ZNF879: variants seen among roughly 807,000 people sequenced by gnomAD.
The protein encoded by ZNF879 is zinc finger protein 879.
Under a neutral mutation model 44.3 loss-of-function variants are expected in ZNF879, and 32 were observed. The observed-to-expected ratio is 0.72, with a 90% CI of 0.54 to 0.97. The LOEUF (loss-of-function observed/expected upper bound fraction) is 0.97. ZNF879 is among the 50% of genes least tolerant of loss of function. The pLI is 0.00. For missense variants in ZNF879, 621 were observed against 669.7 expected (o/e 0.93, Z 0.80); for synonymous variants, 234 against 233.2 (o/e 1.00, Z -0.03).
rs571677295 is a variant in ZNF879 at position 179,029,682 on chromosome 5, T to C, written c.256+1555T>C. 3.9e-5 allele frequency among the ~76,000 whole-genome samples: 6 copies of C among 152,016 alleles called. No homozygotes were observed. The East Asian group carries it at 1.2e-3, about 29-fold the overall frequency. ...AGGAGCAAAAAAAAGTCACCTGGAA[T>C]TTTACCAACTATGATCAATTATTGT... On this transcript the variant is annotated intron_variant, in intron 4 of 4. Transcript: ENST00000444149.
rs1761479227 is a variant in ZNF879 at position 179,033,076 on chromosome 5, G to C, written c.1128G>C (p.Glu376Asp). 1 of 1,565,518 alleles carries C rather than the reference G, an allele frequency of 6.4e-7. No individual in the cohort carries two copies. Among genetic ancestry groups the C allele is most frequent in the Admixed American group, 1.9e-5 (1 of 52,098 alleles). ...HTGEKPFHCN[E>D]CGKVFSYHSA... ...GAGAGAAACCCTTTCATTGTAACGA[G>C]TGTGGAAAAGTATTCAGCTATCACT... Residue 376 changes from glutamate to aspartate, a missense_variant, in exon 5 of 5, where the codon GAG (glutamate) becomes GAC (aspartate). By Grantham distance (45) the Glu-to-Asp change is conservative. Transcript: ENST00000444149.
chr5:179,032,402 GA>G lies in ZNF879; in HGVS notation c.455del (p.Glu152GlyfsTer15), dbSNP rs1761442217. 6.4e-7 allele frequency: 1 copy of G among 1,551,344 alleles called. No homozygotes were observed. On this transcript the variant is annotated frameshift_variant, in exon 5 of 5. Coordinates refer to ENST00000444149, the MANE Select transcript of ZNF879 (RefSeq NM_001136116.3). LOFTEE classifies it high-confidence loss of function. Reference protein sequence around the residue: ...LVTIKKVYMKERSFKGVEFGK... With the variant: ...LVTIKKVYMKXRSFKGVEFGK... The stretch of plus-strand genomic sequence containing the variant: ...TACCATCAAAAAAGTCTACATGAAG[GA>G]GAGGAGCTTTAAAGGTGTTGAATTT...
At chr5:179,024,786 C>T (rs1365318574) in intron 1 of ZNF879, 184 bp from the exon 2 acceptor site, 5 of 563,838 alleles carry the variant, frequency 8.9e-6, no homozygotes, top group Admixed American at 3.0e-5. Context: ...GTAGCAGGCC[C>T]GGTGACTCTG....
chr5:179,032,281 C>T lies in ZNF879; in HGVS notation c.333C>T (p.Gly111=), dbSNP rs1581102548. ...TCATGAAAAAACTCATAATTGATGG[C>T]ACATTTGACTTCAAGTTGGAGAAGA... ...QEVMKKLIID[G]TFDFKLEKTY... is the part of the protein sequence containing the mutation. The change falls in exon 5 of 5, where the codon GGC becomes GGT. Residue 111 remains glycine (G), a synonymous_variant. Coordinates refer to ENST00000444149, the MANE Select transcript of ZNF879 (RefSeq NM_001136116.3). The T allele has an allele frequency of 5.2e-6, 8 of 1,543,918 alleles. No homozygotes were observed. Among genetic ancestry groups the T allele is most frequent in the Non-Finnish European group, 6.1e-6 (7 of 1,145,242 alleles).
chr5:179,026,165 A>T (rs544584308), intron 2 of ZNF879, among the ~76,000 whole-genome samples: 4 of 152,178 alleles, frequency 2.6e-5, no homozygotes, highest in African/African-American at 9.6e-5. Flanking sequence ...TCTGTACAGG[A>T]TGCTCAATTC....
At chr5:179,029,536 G>A (rs1466825817) in intron 4 of ZNF879, among the ~76,000 whole-genome samples, 2 of 152,236 alleles carry the variant, frequency 1.3e-5, no homozygotes, top group East Asian at 1.9e-4. Flanking sequence ...TTCAAATTTC[G>A]CTCTGAGCTT....
At chr5:179,028,462 T>TAAGGAA (rs1463569474) in intron 4 of ZNF879, among the ~76,000 whole-genome samples, 2 of 152,236 alleles carry the variant, frequency 1.3e-5, no homozygotes, top group Admixed American at 1.3e-4. Context: ...GCTTGAACAT[T>TAAGGAA]ACATTGTTTT....
chr5:179,028,845 C>T (rs1009217800), intron 4 of ZNF879, among the ~76,000 whole-genome samples: 2 of 152,160 alleles, frequency 1.3e-5, no homozygotes, highest in Admixed American at 6.5e-5. Context: ...TAGAGGAGGC[C>T]TCTGTTGAGC....
chr5:179,027,359 AGTT>A (rs1437221058), intron 2 of ZNF879, 111 bp from the exon 3 acceptor site: 1 of 1,447,674 alleles, frequency 6.9e-7, no homozygotes, highest in African/African-American at 1.4e-5. Flanking sequence ...GTAACTGAAA[AGTT>A]GTCCAGAAAC....
Position 179,033,326 on chromosome 5 carries a change from G to C in ZNF879, c.1378G>C (p.Glu460Gln). 1 of 1,571,644 alleles carries C rather than the reference G, an allele frequency of 6.4e-7. No individual in the cohort carries two copies. The change falls in exon 5 of 5, where the codon GAA becomes CAA. Residue 460 changes from glutamate (E) to glutamine (Q), a missense_variant. Transcript: ENST00000444149. The part of the protein sequence containing the change: ...HTGEKPYNCK[E>Q]CGKAFSSHSG... ...TGGAGAGAAACCATATAATTGTAAG[G>C]AATGTGGAAAAGCCTTCAGTTCCCA...
intron 4 of ZNF879, among the ~76,000 whole-genome samples, chr5:179,029,253 G>T (rs1189551000): frequency 2.0e-5 from 3 of 151,954 alleles, no homozygotes; most frequent in Non-Finnish European, 2.9e-5. Flanking sequence ...GAATCTTACA[G>T]GACATCATCT....
At chr5:179,025,352 G>A (rs35069027) in intron 2 of ZNF879, among the ~76,000 whole-genome samples, 31 of 152,182 alleles carry the variant, frequency 2.0e-4, no homozygotes, top group African/African-American at 7.2e-4. Flanking sequence ...ACCACACCCA[G>A]CTAATTTTTG....
intron 4 of ZNF879, among the ~76,000 whole-genome samples, chr5:179,031,556 T>C (rs1461885042): frequency 6.6e-6 from 1 of 152,260 alleles, no homozygotes; most frequent in Non-Finnish European, 1.5e-5. Context: ...TACACAGTGC[T>C]TCGTTCGTGT....
At position 179,032,655 on chromosome 5, in the gene ZNF879, A is replaced by C. The variant is rs1375522788; in HGVS notation, c.707A>C (p.Glu236Ala). 1 of 1,569,050 alleles carries C rather than the reference A, an allele frequency of 6.4e-7. No homozygotes were observed. Among genetic ancestry groups the C allele is most frequent in the Non-Finnish European group, 8.6e-7 (1 of 1,157,178 alleles). The change falls in exon 5 of 5, where the codon GAA becomes GCA. Residue 236 changes from glutamate to alanine, a missense_variant. Physicochemically the swap from Glu to Ala is moderately radical, Grantham distance 107. Coordinates refer to ENST00000444149, the MANE Select transcript of ZNF879 (RefSeq NM_001136116.3). ...HTGEKLYKCKECRKAFSQSSS... is the reference protein window; with the variant it reads ...HTGEKLYKCKACRKAFSQSSS... Reference sequence around the variant, plus strand: ...GGAGAGAAGCTCTATAAATGTAAGGAATGTAGGAAAGCCTTCAGCCAAAGC... The same window carrying C: ...GGAGAGAAGCTCTATAAATGTAAGGCATGTAGGAAAGCCTTCAGCCAAAGC...
At chr5:179,030,843 C>CA (rs1487803350) in intron 4 of ZNF879, among the ~76,000 whole-genome samples, 8 of 152,102 alleles carry the variant, frequency 5.3e-5, no homozygotes, top group Non-Finnish European at 1.2e-4. Flanking sequence ...AAAAGGTAGA[C>CA]AAAAAATTAC....
At chr5:179,031,031 C>G (rs775728709) in intron 4 of ZNF879, among the ~76,000 whole-genome samples, 10 of 152,288 alleles carry the variant, frequency 6.6e-5, no homozygotes, top group African/African-American at 2.4e-4. Flanking sequence ...ATCCCAGATA[C>G]GCCCACCTCT....
rs1329891402 is a variant in ZNF879 at position 179,035,011 on chromosome 5, T to G, written c.*1371T>G. 1 of 148,686 alleles carries G rather than the reference T, an allele frequency of 6.7e-6. No homozygotes were observed. The highest frequency in any genetic ancestry group is 6.8e-5 in the Admixed American group (1 of 14,734). 9.2% of individuals were successfully genotyped at this position (148,686 alleles called of 1,614,324 possible). On this transcript the variant is annotated 3_prime_UTR_variant, in exon 5 of 5. Transcript: ENST00000444149. ...TGAGGTCAGGAGATCGAGACCATCCTGGCTAACATGGTGAAACCACGTCTC... is the reference window on the plus strand; with the variant it reads ...TGAGGTCAGGAGATCGAGACCATCCGGGCTAACATGGTGAAACCACGTCTC...
In ZNF879 at chr5:179,032,556, G is replaced by T; in HGVS notation, c.608G>T (p.Cys203Phe). The T allele has an allele frequency of 6.4e-7, 1 of 1,552,012 alleles. No individual in the cohort carries two copies. Among genetic ancestry groups the T allele is most frequent in the Non-Finnish European group, 8.7e-7 (1 of 1,147,196 alleles). Residue 203 changes from cysteine (C) to phenylalanine (F), a missense_variant, in exon 5 of 5, where the codon TGT becomes TTT. Physicochemically the swap from Cys to Phe is radical, Grantham distance 205 (BLOSUM62 -2). Transcript: ENST00000444149. ...KQLGVNTVRK[C>F]YKCNICGKIF... ...CTGGGGGTCAACACAGTGCGTAAAT[G>T]TTATAAATGTAATATCTGTGGGAAA...
chr5:179,033,552 CAG>C lies in ZNF879; in HGVS notation c.1605_1606del (p.Glu537LysfsTer4). 1 of 1,553,046 alleles carries C rather than the reference CAG, an allele frequency of 6.4e-7. No homozygotes were observed. Among genetic ancestry groups the C allele is most frequent in the Admixed American group, 2.0e-5 (1 of 51,010 alleles). Reference sequence around the variant, plus strand: ...CTTATGACACACATGAGAATTCATACAGGGGAAAAACCTTATAAATGTAAAGA... The same window carrying C: ...CTTATGACACACATGAGAATTCATACGGGAAAAACCTTATAAATGTAAAGA... On this transcript the variant is annotated frameshift_variant, in exon 5 of 5. Transcript: ENST00000444149. LOFTEE classifies it high-confidence loss of function.
Sources: allele counts gnomAD v4.1 joint callset (sites outside exome capture counted in the v4.1 genomes callset), GRCh38; gene constraint gnomAD v4.1.1; transcripts MANE v1.5; gene names NCBI Gene and HGNC (gene_info 2026-07-23, HGNC 2026-07-21).